Variants in SNX12 observed in about 807,000 individuals in gnomAD.
SNX12 encodes sorting nexin 12, also known as sorting nexin-12.
For missense variants in SNX12, 62 were observed against 141.3 expected (o/e 0.44, Z 2.84); for synonymous variants, 47 against 56.0 (o/e 0.84, Z 0.71).
upstream of SNX12, among the ~76,000 whole-genome samples, chrX:71,070,611 A>G (rs367616155): frequency 6.3e-5 from 7 of 111,801 alleles, no homozygotes; most frequent in African/African-American, 2.3e-4. Context: ...GTAGCTGGAA[A>G]TACTGGCCTG....
At chrX:71,071,597 A>ATATATTATATATATAAATATATAATATT (rs1569477479), upstream of SNX12, among the ~76,000 whole-genome samples, 58 of 49,030 alleles carry the variant, frequency 1.2e-3, 3 homozygotes, top group African/African-American at 2.5e-3. Context: ...TATAATATTT[A>ATATATTATATATATAAATATATAATATT]TATATATTAT....
intron 3 of SNX12, among the ~76,000 whole-genome samples, chrX:71,061,324 C>T (rs1314290999): frequency 1.8e-5 from 2 of 111,601 alleles, no homozygotes; most frequent in Non-Finnish European, 1.9e-5. Flanking sequence ...TAGATATAAC[C>T]AACATGCAGT....
At position 71,060,654 on chromosome X, in the gene SNX12, C is replaced by G; in HGVS notation, c.*362G>C. On this transcript the variant is annotated 3_prime_UTR_variant, in exon 4 of 4. Transcript: ENST00000374274. ...TTAAACCTAAGAGTAAGAAAAATCC[C>G]CTGAACTTGCAGCATCAGTATGTAT... 1.1e-5 allele frequency: 2 copies of G among 178,170 alleles called. No homozygotes were observed. Among genetic ancestry groups the G allele is most frequent in the East Asian group, 2.5e-4 (2 of 7,991 alleles). The allele number at this position is 178,170 out of a possible 1,213,427, so 14.7% of individuals were successfully genotyped here.
At chrX:71,068,348 G>T (rs747759475), upstream of SNX12, 16 of 1,103,473 alleles carry the variant, frequency 1.4e-5, no homozygotes, top group African/African-American at 1.7e-4. Context: ...GGGGGTGGGG[G>T]ACAGAGGCCT....
intron 1 of SNX12, among the ~76,000 whole-genome samples, chrX:71,065,357 CAA>C (rs34405331): frequency 1.1e-4 from 6 of 56,113 alleles, no homozygotes; most frequent in East Asian, 6.9e-4. Context: ...GACTTTGTCT[CAA>C]AAAAAAAAAA....
upstream of SNX12, among the ~76,000 whole-genome samples, chrX:71,070,033 G>A (rs750068324): frequency 8.9e-6 from 1 of 111,912 alleles, no homozygotes; most frequent in Non-Finnish European, 1.9e-5. Context: ...AGAAACAGTG[G>A]AGCATTTTTA....
At chrX:71,068,422 GGCGCGCACGCGCGCCCAC>G (rs1193944851), upstream of SNX12, 9 of 619,102 alleles carry the variant, frequency 1.5e-5, no homozygotes, top group Non-Finnish European at 2.1e-5. Context: ...AGGCGGCGGC[GGCGCGCACGCGCGCCCAC>G]GCACGCACGC....
rs1341548902 is a variant in SNX12 at position 71,060,938 on chromosome X, CAA to C, written c.*76_*77del. The C allele has an allele frequency of 1.2e-6, 1 of 804,098 alleles. No homozygotes were observed. Among genetic ancestry groups the C allele is most frequent in the African/African-American group, 2.1e-5 (1 of 48,664 alleles). The allele number at this position is 804,098 out of a possible 1,213,427, so 66.3% of individuals were successfully genotyped here. ...AGGAGATGGGCAGCCAACTTCAGATCAAAGACAGAGAGAGGCTTAGTGTAAAA... is the reference window on the plus strand; with the variant it reads ...AGGAGATGGGCAGCCAACTTCAGATCAGACAGAGAGAGGCTTAGTGTAAAA... On this transcript the variant is annotated 3_prime_UTR_variant, in exon 4 of 4. Transcript: ENST00000374274.
At chrX:71,072,012 C>T (rs1441290477), upstream of SNX12, among the ~76,000 whole-genome samples, 3 of 110,529 alleles carry the variant, frequency 2.7e-5, no homozygotes, top group Non-Finnish European at 5.7e-5. Flanking sequence ...AATCCCAGTA[C>T]TTTGGGAGGC....
At chrX:71,068,039 G>C (rs1468736721) in intron 1 of SNX12, 103 bp downstream of exon 1, 5 of 759,843 alleles carry the variant, frequency 6.6e-6, no homozygotes, top group Non-Finnish European at 9.3e-6. Flanking sequence ...TGACCCCTAA[G>C]GCGTCTTCCC....
chrX:71,069,289 T>G (rs2147709234), upstream of SNX12, among the ~76,000 whole-genome samples: 1 of 112,165 alleles, frequency 8.9e-6, no homozygotes, highest in East Asian at 2.8e-4. Context: ...ATGCCTGAAA[T>G]TCTTTCAACA....
chrX:71,064,903 C>A (rs2092145731), intron 1 of SNX12, among the ~76,000 whole-genome samples: 1 of 112,791 alleles, frequency 8.9e-6, no homozygotes, highest in Non-Finnish European at 1.9e-5. Context: ...TACTCCTTGA[C>A]ACTGGAAATT....
intron 1 of SNX12, among the ~76,000 whole-genome samples, chrX:71,065,665 G>A (rs1193131674): frequency 9.0e-6 from 1 of 111,543 alleles, no homozygotes; most frequent in Non-Finnish European, 1.9e-5. Context: ...TTAGCCAGGC[G>A]TGGTGGTACA....
chrX:71,065,804 CA>C lies in SNX12; in HGVS notation c.165+2337del, dbSNP rs36018264. Among the ~76,000 whole-genome samples, 428 of 81,809 alleles carry C rather than the reference CA, an allele frequency of 5.2e-3. 1 individual carries two copies. The highest frequency in any genetic ancestry group is 5.8e-3 in the Admixed American group (42 of 7,183). The allele number at this position is 81,809 out of a possible 115,157, so 71.0% of individuals were successfully genotyped here. A position where few individuals can be genotyped will look rare whatever the true frequency, so the allele number is the denominator to read the frequency against. On this transcript the variant is annotated intron_variant, in intron 1 of 3. Coordinates refer to ENST00000374274, the MANE Select transcript of SNX12 (RefSeq NM_013346.4). Reference sequence around the variant, plus strand: ...GGGCTACAAGAGCAAAACTCTATCTCAAAAAAAAAAAAAAAAATTAGCCAGG... The same window carrying C: ...GGGCTACAAGAGCAAAACTCTATCTCAAAAAAAAAAAAAAAATTAGCCAGG...
chrX:71,068,344 G>A (rs372123272), upstream of SNX12: 46 of 1,108,168 alleles, frequency 4.2e-5, no homozygotes, highest in African/African-American at 7.0e-4. Flanking sequence ...GAAAGGGGGT[G>A]GGGGACAGAG....
At position 71,065,628 on chromosome X, in the gene SNX12, A is replaced by T. The variant is rs758927024; in HGVS notation, c.165+2514T>A. Among the ~76,000 whole-genome samples the T allele has an allele frequency of 2.7e-5, 3 of 110,451 alleles. No homozygotes were observed. In the Admixed American group the frequency reaches 2.9e-4, roughly 11 times the overall value. On this transcript the variant is annotated intron_variant, in intron 1 of 3. Coordinates refer to ENST00000374274, the MANE Select transcript of SNX12 (RefSeq NM_013346.4). ...GAGACCAGCCTGGCCAACATGGCGA[A>T]ACCTGTCTCTACTAAAAATACAAAA...
chrX:71,069,911 A>T (rs1305674389), upstream of SNX12, among the ~76,000 whole-genome samples: 2 of 109,605 alleles, frequency 1.8e-5, no homozygotes, highest in African/African-American at 6.7e-5. Flanking sequence ...ACTGCACTCC[A>T]TCCTGGGCAA....
chrX:71,067,287 T>C (rs2092157278), intron 1 of SNX12, among the ~76,000 whole-genome samples: 1 of 111,786 alleles, frequency 8.9e-6, no homozygotes, highest in Non-Finnish European at 1.9e-5. Flanking sequence ...TTAAAGTAAC[T>C]ACAGACCAGG....
At chrX:71,073,098 TGACA>T (rs2092178182), upstream of SNX12, among the ~76,000 whole-genome samples, 2 of 108,066 alleles carry the variant, frequency 1.9e-5, no homozygotes, top group African/African-American at 6.8e-5. Context: ...TCAAATCTCT[TGACA>T]AACAGGTGAC....
Sources: allele counts gnomAD v4.1 joint callset (sites outside exome capture counted in the v4.1 genomes callset), GRCh38; gene constraint gnomAD v4.1.1; transcripts MANE v1.5; gene names NCBI Gene and HGNC (gene_info 2026-07-23, HGNC 2026-07-21).